PDE10A: variants seen among roughly 807,000 people sequenced by gnomAD.
The protein encoded by PDE10A is cAMP and cAMP-inhibited cGMP 3',5'-cyclic phosphodiesterase 10A.
In PDE10A, 39 loss-of-function variants were observed where a neutral mutation model predicts 97.7. That is an observed-to-expected ratio of 0.40 (90% CI 0.31 to 0.52). The LOEUF is 0.52. Among genes scored for constraint, PDE10A ranks in the 20% least tolerant of loss-of-function variants. PDE10A has a pLI of 0.56. For missense variants in PDE10A, 731 were observed against 1,047.8 expected (o/e 0.70, Z 4.17); for synonymous variants, 371 against 376.8 (o/e 0.98, Z 0.18).
At chr6:165,614,810 A>G (rs1787651261) in intron 1 of PDE10A, among the ~76,000 whole-genome samples, 2 of 152,138 alleles carry the variant, frequency 1.3e-5, no homozygotes, top group South Asian at 4.1e-4. Context: ...CTGATCAAAT[A>G]GAAGTAAGGA....
At chr6:165,808,234 A>G (rs1779189588) in intron 1 of PDE10A, among the ~76,000 whole-genome samples, 1 of 152,226 alleles carries the variant, frequency 6.6e-6, no homozygotes, top group African/African-American at 2.4e-5. Context: ...GAGCGTGGAC[A>G]CAGCTTGTGA....
intron 1 of PDE10A, among the ~76,000 whole-genome samples, chr6:165,572,777 C>T (rs1301986105): frequency 6.6e-6 from 1 of 152,184 alleles, no homozygotes; most frequent in Non-Finnish European, 1.5e-5. Flanking sequence ...GTTGAAGCTG[C>T]AGTGAGCCAC....
Position 165,618,753 on chromosome 6 carries a change from T to C in PDE10A, c.865+43194A>G, listed in dbSNP as rs140262109. Among the ~76,000 whole-genome samples the C allele has an allele frequency of 1.4e-3, 210 of 152,322 alleles. 1 individual carries two copies. Among genetic ancestry groups the C allele is most frequent in the African/African-American group, 4.8e-3 (201 of 41,564 alleles). ...GTGATTTGTACAGCTTCCCCTCCTC[T>C]TGTAAGAAACCTTGTTCACAAGAGA... is the stretch of plus-strand genomic sequence containing the variant. On this transcript the variant is annotated intron_variant, in intron 1 of 21. Coordinates refer to ENST00000539869, the MANE Select transcript of PDE10A (RefSeq NM_001385079.1).
intron 1 of PDE10A, among the ~76,000 whole-genome samples, chr6:165,657,638 G>A (rs1307263738): frequency 6.6e-6 from 1 of 152,190 alleles, no homozygotes; most frequent in Non-Finnish European, 1.5e-5. Flanking sequence ...AATGATCTAA[G>A]ACTAATATAC....
At chr6:165,977,290 A>G (rs546632413) in intron 1 of PDE10A, among the ~76,000 whole-genome samples, 139 of 152,314 alleles carry the variant, frequency 9.1e-4, no homozygotes, top group African/African-American at 3.1e-3. Context: ...GAACTTACGG[A>G]CTTTCCTAGG....
At chr6:165,556,853 T>C (rs994490010) in intron 1 of PDE10A, among the ~76,000 whole-genome samples, 2 of 151,896 alleles carry the variant, frequency 1.3e-5, no homozygotes, top group African/African-American at 4.8e-5. Context: ...AAAAAAAAAA[T>C]TCTGAGCCGG....
At chr6:165,615,777 C>T (rs192685735) in intron 1 of PDE10A, among the ~76,000 whole-genome samples, 7 of 152,272 alleles carry the variant, frequency 4.6e-5, no homozygotes, top group Non-Finnish European at 8.8e-5. Context: ...TTCTCTCAGC[C>T]GTCACACAGC....
At chr6:165,492,424 C>T (rs1780279651) in intron 2 of PDE10A, among the ~76,000 whole-genome samples, 1 of 152,080 alleles carries the variant, frequency 6.6e-6, no homozygotes, top group African/African-American at 2.4e-5. Context: ...AAACTATAGA[C>T]AAATATCCCT....
chr6:165,397,575 C>T (rs377392176), intron 13 of PDE10A, among the ~76,000 whole-genome samples: 4 of 151,708 alleles, frequency 2.6e-5, no homozygotes, highest in South Asian at 2.1e-4. Flanking sequence ...GCTGGGTGCA[C>T]GCCTGTATCT....
At chr6:165,688,306 C>A (rs974512066) in intron 1 of PDE10A, among the ~76,000 whole-genome samples, 1 of 152,036 alleles carries the variant, frequency 6.6e-6, no homozygotes, top group Non-Finnish European at 1.5e-5. Context: ...ACATGCCTTT[C>A]AGACCAAGTC....
chr6:165,667,922 C>T, upstream of PDE10A, among the ~76,000 whole-genome samples: 1 of 151,964 alleles, frequency 6.6e-6, no homozygotes, highest in African/African-American at 2.4e-5. Flanking sequence ...AAAGATGTTG[C>T]CATTAAAAAA....
chr6:165,606,761 G>A (rs12525970), intron 1 of PDE10A, among the ~76,000 whole-genome samples: 16,334 of 152,112 alleles, frequency 0.11, 871 homozygotes, highest in Middle Eastern at 0.13. Flanking sequence ...AGTAAATCAA[G>A]TATGAGGAAA....
intron 1 of PDE10A, among the ~76,000 whole-genome samples, chr6:165,895,582 CT>C: frequency 6.6e-6 from 1 of 152,362 alleles, no homozygotes; most frequent in East Asian, 1.9e-4. Flanking sequence ...GAATCACCCT[CT>C]TCACAAAGTC....
chr6:165,862,387 A>G (rs535074075), intron 1 of PDE10A, among the ~76,000 whole-genome samples: 1 of 152,326 alleles, frequency 6.6e-6, no homozygotes, highest in South Asian at 2.1e-4. Flanking sequence ...AGTGTGGACA[A>G]TTCTTATGTG....
chr6:165,886,229 G>C (rs2128481331), intron 1 of PDE10A, among the ~76,000 whole-genome samples: 1 of 151,132 alleles, frequency 6.6e-6, no homozygotes, highest in Middle Eastern at 3.4e-3. Context: ...TGGAGCCCTG[G>C]AACCCTGGAG....
intron 1 of PDE10A, among the ~76,000 whole-genome samples, chr6:165,975,682 C>T (rs1784825760): frequency 6.6e-6 from 1 of 152,178 alleles, no homozygotes; most frequent in African/African-American, 2.4e-5. Flanking sequence ...ATGAAACACC[C>T]TCACTATGAC....
chr6:165,693,680 G>A (rs1478304732), intron 1 of PDE10A, among the ~76,000 whole-genome samples: 1 of 151,866 alleles, frequency 6.6e-6, no homozygotes, highest in Admixed American at 6.6e-5. Context: ...TTAGTAATTG[G>A]TGTTGAGAAC....
At chr6:165,626,396 C>G (rs1788387854) in intron 1 of PDE10A, among the ~76,000 whole-genome samples, 1 of 152,084 alleles carries the variant, frequency 6.6e-6, no homozygotes, top group African/African-American at 2.4e-5. Context: ...GATGTTAACT[C>G]TAAAAGAAAA....
chr6:165,354,812 A>G (rs536555), intron 18 of PDE10A, among the ~76,000 whole-genome samples: 84,422 of 152,024 alleles, frequency 0.56, 24,553 homozygotes, highest in African/African-American at 0.74. Flanking sequence ...ATAGCCATGA[A>G]GGCATTTCTA....
Sources: gnomAD v4.1 joint callset for allele counts (sites outside exome capture counted in the v4.1 genomes callset) on GRCh38, gnomAD v4.1.1 for gene constraint, MANE v1.5 for transcripts, NCBI Gene and HGNC (gene_info 2026-07-23, HGNC 2026-07-21) for gene names.